The following NTAQ1 variants were observed in gnomAD, a reference collection of about 807,000 sequenced individuals.
NTAQ1 encodes the protein N-terminal glutamine amidase 1, also known as protein N-terminal glutamine amidohydrolase.
NTAQ1 carries 21 observed loss-of-function variants against 28.2 expected under a neutral mutation model. The ratio of observed to expected loss-of-function variants is 0.74; its 90% CI spans 0.53 to 1.07. The LOEUF is 1.07. Ranked by LOEUF, NTAQ1 falls within the 50% of genes least tolerant of loss-of-function variation. The probability of loss-of-function intolerance (pLI) is 0.00; values close to 1 mark genes in which losing one functional copy is unlikely to be tolerated. For synonymous variants in NTAQ1, 105 were observed against 90.0 expected, an observed-to-expected ratio of 1.17 and a Z score of -0.94; for missense variants, 264 against 256.6, an observed-to-expected ratio of 1.03 and a Z score of -0.20.
exon 7 of NTAQ1, among the ~76,000 whole-genome samples, chr8:123,468,595 C>A (rs545139962): frequency 1.3e-5 from 2 of 152,268 alleles, no homozygotes; most frequent in African/African-American, 4.8e-5. Context: ...TTTGCTTTAT[C>A]ATTTTTTCCA....
At chr8:123,450,470 G>C (rs1288028891), downstream of NTAQ1, among the ~76,000 whole-genome samples, 1 of 152,028 alleles carries the variant, frequency 6.6e-6, no homozygotes, top group Non-Finnish European at 1.5e-5. Context: ...AGGGGAGACT[G>C]CTGTTTGCCA....
At position 123,433,991 on chromosome 8, in the gene NTAQ1, ATTC is replaced by A. The variant is rs1352033919; in HGVS notation, c.235-2455_235-2453del. On this transcript the variant is annotated intron_variant, in intron 3 of 5. Transcript: ENST00000287387. ...TGTATTTTATGTGTGGCCCAAGACA[ATTC>A]TTCTTCCAGTGTGGCCCAGGGAAGC... Among the ~76,000 whole-genome samples, 8 of 151,654 alleles carry A rather than the reference ATTC, an allele frequency of 5.3e-5. No homozygotes were observed. The South Asian group carries it at 1.2e-3, about 24-fold the overall frequency.
downstream of NTAQ1, among the ~76,000 whole-genome samples, chr8:123,444,363 C>G (rs1308584692): frequency 1.3e-5 from 2 of 152,152 alleles, no homozygotes; most frequent in Non-Finnish European, 2.9e-5. Flanking sequence ...CTACACCTGG[C>G]TAATTTTTGT....
chr8:123,431,594 G>T (rs1234205689), intron 3 of NTAQ1, among the ~76,000 whole-genome samples: 1 of 152,182 alleles, frequency 6.6e-6, no homozygotes, highest in African/African-American at 2.4e-5. Context: ...AGGTGATCTT[G>T]CATGAAAGCT....
chr8:123,465,666 T>C (rs941966586), intron 6 of NTAQ1, among the ~76,000 whole-genome samples: 1 of 146,436 alleles, frequency 6.8e-6, no homozygotes, highest in Non-Finnish European at 1.5e-5. Context: ...ACTGCAAACT[T>C]TGCCTCCTGG....
intron 6 of NTAQ1, among the ~76,000 whole-genome samples, chr8:123,457,186 C>T (rs1387252200): frequency 6.6e-6 from 1 of 152,170 alleles, no homozygotes; most frequent in Non-Finnish European, 1.5e-5. Flanking sequence ...CCTGCCTCAG[C>T]CTACCAAGTA....
intron 2 of NTAQ1, 82 bp from the exon 3 acceptor site, chr8:123,429,901 C>T (rs1246306919): frequency 1.3e-5 from 8 of 639,160 alleles, no homozygotes; most frequent in East Asian, 5.0e-5. Context: ...AAAAAAATCC[C>T]GTCTCAAAAA....
rs1246151035 is a variant in NTAQ1, at chr8:123,436,460, A to G, written c.242A>G (p.His81Arg). 1.2e-6 allele frequency: 2 copies of G among 1,612,080 alleles called. No individual in the cohort carries two copies. Among genetic ancestry groups the G allele is most frequent in the Non-Finnish European group, 1.7e-6 (2 of 1,179,388 alleles). Residue 81 changes from histidine (H) to arginine (R), a missense_variant, in exon 4 of 6, where the codon CAT becomes CGT. Physicochemically the swap from His to Arg is conservative, Grantham distance 29. Coordinates refer to ENST00000287387, the MANE Select transcript of NTAQ1 (RefSeq NM_018024.3). ...AGCAACTTTTACTTTTAGGATTACC[A>G]TGTTGTTTTGCTTCATGTTTCAAGT... ...PGDGPVIWDY[H>R]VVLLHVSSGG...
chr8:123,437,399 T>G, intron 5 of NTAQ1, 65 bp downstream of exon 5: 1 of 1,586,550 alleles, frequency 6.3e-7, no homozygotes, highest in Non-Finnish European at 8.6e-7. Flanking sequence ...CATTTTTCCT[T>G]AACGGAGGAC....
intron 1 of NTAQ1, among the ~76,000 whole-genome samples, chr8:123,423,679 C>G (rs1029191150): frequency 3.3e-5 from 5 of 151,966 alleles, no homozygotes; most frequent in Non-Finnish European, 7.4e-5. Context: ...ACATGATATT[C>G]GTTATGCTCT....
intron 1 of NTAQ1, among the ~76,000 whole-genome samples, chr8:123,423,435 T>TCTG (rs1480860305): frequency 1.6e-4 from 20 of 128,102 alleles, no homozygotes; most frequent in East Asian, 8.1e-4. Flanking sequence ...CTGTTTCTCT[T>TCTG]TTTCTTTCTT....
At position 123,430,209 on chromosome 8, in the gene NTAQ1, A is replaced by G. The variant is rs2130239711; in HGVS notation, c.234+176A>G. 7 of 447,016 alleles carry G rather than the reference A, an allele frequency of 1.6e-5. No homozygotes were observed. The East Asian group carries it at 2.4e-4, about 15-fold the overall frequency. The allele number at this position is 447,016 out of a possible 1,614,324, so 27.7% of individuals were successfully genotyped here. A position where few individuals can be genotyped will look rare whatever the true frequency, so the allele number is the denominator to read the frequency against. Reference sequence around the variant, plus strand: ...GATCTAAGGTAGAAACACTGTAGGCATATTTTCTTTTAACTTTTTGTTTTG... The same window carrying G: ...GATCTAAGGTAGAAACACTGTAGGCGTATTTTCTTTTAACTTTTTGTTTTG... On this transcript the variant is annotated intron_variant, in intron 3 of 5. Transcript: ENST00000287387.
chr8:123,438,713 G>A (rs1323630583), intron 5 of NTAQ1, among the ~76,000 whole-genome samples: 1 of 151,434 alleles, frequency 6.6e-6, no homozygotes, highest in Non-Finnish European at 1.5e-5. Context: ...TTTAACGGAA[G>A]AAAGTAAAAT....
Position 123,441,377 on chromosome 8 carries a change from T to C in NTAQ1, c.580T>C (p.Ser194Pro), listed in dbSNP as rs1563896662. Residue 194 changes from serine to proline, a missense_variant, in exon 6 of 6, where the codon TCC becomes CCC. Coordinates refer to ENST00000287387, the MANE Select transcript of NTAQ1 (RefSeq NM_018024.3). ...KVGWGAVYTL[S>P]EFTHRFGSKN... Reference sequence around the variant, plus strand: ...AGGATGGGGCGCCGTCTACACACTATCCGAATTTACACATCGGTTTGGCAG... The same window carrying C: ...AGGATGGGGCGCCGTCTACACACTACCCGAATTTACACATCGGTTTGGCAG... The C allele has an allele frequency of 6.2e-7, 1 of 1,611,856 alleles. No homozygotes were observed. Among genetic ancestry groups the C allele is most frequent in the Non-Finnish European group, 8.5e-7 (1 of 1,178,750 alleles).
chr8:123,434,392 A>G (rs1814577747), intron 3 of NTAQ1, among the ~76,000 whole-genome samples: 2 of 152,232 alleles, frequency 1.3e-5, no homozygotes, highest in South Asian at 4.1e-4. Context: ...TTTGGGAGGC[A>G]GAGGCAGGGA....
chr8:123,418,629 A>G (rs1395919982), intron 1 of NTAQ1, among the ~76,000 whole-genome samples: 4 of 152,274 alleles, frequency 2.6e-5, no homozygotes, highest in African/African-American at 9.6e-5. Context: ...GGAGCTTTGC[A>G]ACTATTGGAG....
At chr8:123,416,768 C>G, upstream of NTAQ1, 1 of 1,325,228 alleles carries the variant, frequency 7.5e-7, no homozygotes, top group African/African-American at 1.5e-5. Flanking sequence ...GGAACCCACG[C>G]GGGCCACTAC....
chr8:123,440,502 CT>C (rs554416057), intron 5 of NTAQ1, among the ~76,000 whole-genome samples: 330 of 123,816 alleles, frequency 2.7e-3, no homozygotes, highest in Non-Finnish European at 2.7e-3. Context: ...TTCCTTTCTT[CT>C]TTTTTTTTTT....
rs1226757675 is a variant in NTAQ1, at chr8:123,441,103, T to C, written c.509-203T>C. 2.0e-5 allele frequency among the ~76,000 whole-genome samples: 3 copies of C among 152,182 alleles called. No individual in the cohort carries two copies. The South Asian group carries it at 6.2e-4, about 31-fold the overall frequency. ...CTGTGTAGTCCCCTCTTCACTGATA[T>C]TCTGTTTCCCTCAGTTTGGGTGTGT... On this transcript the variant is annotated intron_variant, in intron 5 of 5. Coordinates refer to ENST00000287387, the MANE Select transcript of NTAQ1 (RefSeq NM_018024.3).
Sources: gnomAD v4.1 joint callset for allele counts (sites outside exome capture counted in the v4.1 genomes callset) on GRCh38, gnomAD v4.1.1 for gene constraint, MANE v1.5 for transcripts, NCBI Gene and HGNC (gene_info 2026-07-23, HGNC 2026-07-21) for gene names.